The following ARHGAP6 variants were observed in gnomAD, a reference collection of about 807,000 sequenced individuals.
ARHGAP6 encodes the protein Rho GTPase activating protein 6.
Under a neutral mutation model 55.7 loss-of-function variants are expected in ARHGAP6, and 16 were observed. That is an observed-to-expected ratio of 0.29 (90% CI 0.19 to 0.44). ARHGAP6 has a LOEUF of 0.44. Among genes scored for constraint, ARHGAP6 ranks in the 20% least tolerant of loss-of-function variants. ARHGAP6 has a pLI of 1.00. For synonymous variants in ARHGAP6, 382 were observed against 360.9 expected (o/e 1.06, Z -0.66); for missense variants, 698 against 808.9 (o/e 0.86, Z 1.66).
At chrX:11,225,991 C>T (rs1335276422) in intron 2 of ARHGAP6, among the ~76,000 whole-genome samples, 1 of 108,864 alleles carries the variant, frequency 9.2e-6, no homozygotes, top group African/African-American at 3.4e-5. Flanking sequence ...TCAGTTGGCC[C>T]CGAGAGTTTC....
intron 1 of ARHGAP6, among the ~76,000 whole-genome samples, chrX:11,592,591 ATAG>A (rs762322029): frequency 9.0e-6 from 1 of 111,514 alleles, no homozygotes; most frequent in Admixed American, 9.6e-5. Context: ...ATATCATTAT[ATAG>A]TATTATAGTT....
intron 1 of ARHGAP6, among the ~76,000 whole-genome samples, chrX:11,595,852 C>A (rs2051895622): frequency 8.9e-6 from 1 of 111,871 alleles, no homozygotes; most frequent in African/African-American, 3.3e-5. Flanking sequence ...TAGAGAAATG[C>A]AAATCAAAAA....
At chrX:11,346,207 C>A (rs772967004) in intron 1 of ARHGAP6, among the ~76,000 whole-genome samples, 2 of 111,838 alleles carry the variant, frequency 1.8e-5, no homozygotes, top group East Asian at 5.6e-4. Flanking sequence ...TAGGAGTTGG[C>A]AAACTACAGC....
intron 1 of ARHGAP6, among the ~76,000 whole-genome samples, chrX:11,562,054 C>G (rs1405613952): frequency 8.9e-6 from 1 of 111,744 alleles, no homozygotes; most frequent in Non-Finnish European, 1.9e-5. Flanking sequence ...AAAAGTGCTG[C>G]CCCACCTAAG....
At chrX:11,638,744 C>G (rs1318117054) in intron 1 of ARHGAP6, among the ~76,000 whole-genome samples, 1 of 111,388 alleles carries the variant, frequency 9.0e-6, no homozygotes, top group African/African-American at 3.3e-5. Context: ...AAAGTCATGT[C>G]AAAACATCTT....
intron 1 of ARHGAP6, among the ~76,000 whole-genome samples, chrX:11,581,786 TGA>T (rs1337633843): frequency 9.1e-6 from 1 of 110,483 alleles, no homozygotes; most frequent in Non-Finnish European, 1.9e-5. Flanking sequence ...AAGGGGGAAA[TGA>T]GAGTTATTGG....
At chrX:11,520,129 TTTTATATATATATATA>T (rs1569379010) in intron 1 of ARHGAP6, among the ~76,000 whole-genome samples, 2 of 34,681 alleles carry the variant, frequency 5.8e-5, no homozygotes, top group African/African-American at 2.0e-4. Flanking sequence ...AGAGAATTGA[TTTTATATATATATATA>T]TATATATATA....
At chrX:11,276,019 T>C in intron 1 of ARHGAP6, among the ~76,000 whole-genome samples, 1 of 111,972 alleles carries the variant, frequency 8.9e-6, no homozygotes, top group Non-Finnish European at 1.9e-5. Flanking sequence ...ATTCACCTTA[T>C]GTTTGTTAAA....
intron 1 of ARHGAP6, among the ~76,000 whole-genome samples, chrX:11,411,217 A>ATATATATATATATG (rs1556011098): frequency 2.4e-5 from 2 of 83,048 alleles, no homozygotes; most frequent in South Asian, 6.2e-4. Flanking sequence ...ATATATATAT[A>ATATATATATATATG]TATATAAAAT....
At position 11,435,302 on chromosome X, in the gene ARHGAP6, T is replaced by C. The variant is rs535173128; in HGVS notation, c.589-180595A>G. Among the ~76,000 whole-genome samples the C allele has an allele frequency of 3.6e-5, 4 of 112,575 alleles. No homozygotes were observed. The South Asian group carries it at 1.5e-3, about 41-fold the overall frequency. The stretch of plus-strand genomic sequence containing the variant: ...GAATCTAAGCATCAGACTGGGACTT[T>C]TTTCATTATTTCAACTTTAGTTGTC... On this transcript the variant is annotated intron_variant, in intron 1 of 12. Transcript: ENST00000337414.
intron 1 of ARHGAP6, among the ~76,000 whole-genome samples, chrX:11,384,004 G>GA (rs112199798): frequency 7.7e-4 from 85 of 110,631 alleles, no homozygotes; most frequent in Middle Eastern, 4.6e-3. Flanking sequence ...TTTAATGCTT[G>GA]AAAAAAACAC....
chrX:11,598,373 C>T (rs1316270183), intron 1 of ARHGAP6, among the ~76,000 whole-genome samples: 1 of 112,103 alleles, frequency 8.9e-6, no homozygotes, highest in Non-Finnish European at 1.9e-5. Flanking sequence ...TTTTATTATT[C>T]TTTCTTTTTA....
intron 1 of ARHGAP6, among the ~76,000 whole-genome samples, chrX:11,344,136 C>T (rs2048741001): frequency 9.0e-6 from 1 of 111,651 alleles, no homozygotes. Context: ...ATCAGGGTTA[C>T]TCAATATAAG....
Position 11,262,106 on chromosome X carries a change from A to G in ARHGAP6, c.589-7399T>C, listed in dbSNP as rs371426107. Among the ~76,000 whole-genome samples the G allele has an allele frequency of 3.6e-5, 4 of 112,229 alleles. No homozygotes were observed. In the South Asian group the frequency reaches 1.5e-3, roughly 42 times the overall value. ...TTATATATCATGCATTACTATGTGT[A>G]TTTTACATGTATTTTTCTACGTATT... On this transcript the variant is annotated intron_variant, in intron 1 of 12. Transcript: ENST00000337414.
At chrX:11,581,065 T>C (rs902485710) in intron 1 of ARHGAP6, among the ~76,000 whole-genome samples, 4 of 112,159 alleles carry the variant, frequency 3.6e-5, no homozygotes, top group African/African-American at 1.3e-4. Flanking sequence ...CAATAAAAAT[T>C]ACCAGTGTTA....
intron 1 of ARHGAP6, among the ~76,000 whole-genome samples, chrX:11,354,325 CTCTATATATATA>C (rs1390609879): frequency 4.2e-5 from 2 of 47,598 alleles, no homozygotes; most frequent in Non-Finnish European, 7.3e-5. Flanking sequence ...CTCTCTCTCT[CTCTATATATATA>C]TATATATATA....
intron 1 of ARHGAP6, among the ~76,000 whole-genome samples, chrX:11,602,474 A>T (rs2051987870): frequency 8.9e-6 from 1 of 112,878 alleles, no homozygotes; most frequent in Admixed American, 9.3e-5. Context: ...GTGCCTGTGC[A>T]GTGCTACTAT....
intron 1 of ARHGAP6, among the ~76,000 whole-genome samples, chrX:11,485,045 A>G (rs1603228462): frequency 1.8e-5 from 2 of 111,665 alleles, no homozygotes; most frequent in African/African-American, 6.5e-5. Context: ...AACAAAAAAA[A>G]AACATATCAC....
intron 10 of ARHGAP6, among the ~76,000 whole-genome samples, chrX:11,148,210 A>T (rs1196330729): frequency 6.2e-5 from 7 of 112,093 alleles, no homozygotes; most frequent in Admixed American, 1.9e-4. Flanking sequence ...AACCCTAAGA[A>T]GATAGTTTTG....
Sources: allele counts gnomAD v4.1 joint callset (sites outside exome capture counted in the v4.1 genomes callset), GRCh38; gene constraint gnomAD v4.1.1; transcripts MANE v1.5; gene names NCBI Gene and HGNC (gene_info 2026-07-23, HGNC 2026-07-21).